The following XYLT1 variants were observed in gnomAD, a reference collection of about 807,000 sequenced individuals.
XYLT1 encodes the protein xylosyltransferase 1, also known as beta-D-xylosyltransferase 1.
A neutral mutation model predicts 91.3 loss-of-function variants in XYLT1; 36 were observed. The observed-to-expected ratio is 0.39, with a 90% confidence interval of 0.30 to 0.52. XYLT1 has a LOEUF of 0.52. Among genes scored for constraint, XYLT1 ranks in the 20% least tolerant of loss-of-function variants. XYLT1 has a pLI of 0.68. For synonymous variants in XYLT1, 588 were observed against 532.0 expected, an observed-to-expected ratio of 1.11 and a Z score of -1.45; for missense variants, 1,242 against 1,284.5, an observed-to-expected ratio of 0.97 and a Z score of 0.51.
chr16:17,345,697 T>C (rs1316247931), intron 2 of XYLT1, among the ~76,000 whole-genome samples: 1 of 152,220 alleles, frequency 6.6e-6, no homozygotes, highest in Non-Finnish European at 1.5e-5. Flanking sequence ...ACTATGAAAG[T>C]AATACTAAGT....
chr16:17,111,235 C>G (rs1361504556), intron 11 of XYLT1, among the ~76,000 whole-genome samples: 1 of 152,178 alleles, frequency 6.6e-6, no homozygotes, highest in East Asian at 1.9e-4. Context: ...GTGACTACTA[C>G]TACTACCTCC....
chr16:17,371,953 G>C (rs2141875270), intron 1 of XYLT1, among the ~76,000 whole-genome samples: 1 of 152,310 alleles, frequency 6.6e-6, no homozygotes, highest in South Asian at 2.1e-4. Flanking sequence ...AAAAAAAGTT[G>C]CTATGGGATC....
At chr16:17,261,443 C>A (rs1314944838) in intron 2 of XYLT1, among the ~76,000 whole-genome samples, 1 of 152,100 alleles carries the variant, frequency 6.6e-6, no homozygotes, top group Admixed American at 6.6e-5. Context: ...CAGGGTCACC[C>A]AGCTAGTTGG....
At chr16:17,321,953 AAAG>A (rs1209389357) in intron 2 of XYLT1, among the ~76,000 whole-genome samples, 1 of 152,188 alleles carries the variant, frequency 6.6e-6, no homozygotes, top group African/African-American at 2.4e-5. Flanking sequence ...AATGGGAAGG[AAAG>A]AAGAAGTAGT....
chr16:17,398,559 C>T (rs2035919954), intron 1 of XYLT1, among the ~76,000 whole-genome samples: 1 of 152,134 alleles, frequency 6.6e-6, no homozygotes, highest in African/African-American at 2.4e-5. Context: ...GCTGCCATAA[C>T]AAAGCACCAC....
At chr16:17,220,512 C>G (rs145732358) in intron 3 of XYLT1, among the ~76,000 whole-genome samples, 1 of 152,082 alleles carries the variant, frequency 6.6e-6, no homozygotes, top group East Asian at 1.9e-4. Flanking sequence ...CCACTCTGTC[C>G]CCCAGGCTGG....
chr16:17,138,284 C>CCTTGGATTTCTGCAGAGGTTT (rs2030834324), intron 8 of XYLT1, 71 bp downstream of exon 8: 5 of 1,563,518 alleles, frequency 3.2e-6, no homozygotes, highest in Non-Finnish European at 3.5e-6. Flanking sequence ...GCAGGTCTGG[C>CCTTGGATTTCTGCAGAGGTTT]CTTGGATTTC....
intron 3 of XYLT1, chr16:17,227,895 T>G (rs190127853): frequency 6.6e-6 from 1 of 151,882 alleles, no homozygotes; most frequent in South Asian, 2.1e-4. Context: ...TTTAAGGGAG[T>G]AGAAATAACA....
intron 1 of XYLT1, among the ~76,000 whole-genome samples, chr16:17,438,824 A>G (rs978445238): frequency 2.0e-5 from 3 of 152,062 alleles, no homozygotes; most frequent in African/African-American, 7.2e-5. Context: ...GTAAGGGGAA[A>G]GTCCGCCCCC....
intron 2 of XYLT1, among the ~76,000 whole-genome samples, chr16:17,287,627 C>T (rs2034161577): frequency 6.6e-6 from 1 of 152,234 alleles, no homozygotes; most frequent in Non-Finnish European, 1.5e-5. Context: ...CTGGGGAGCC[C>T]TCCCAGGGCC....
chr16:17,213,602 T>C (rs1214176765), intron 3 of XYLT1, among the ~76,000 whole-genome samples: 5 of 152,106 alleles, frequency 3.3e-5, no homozygotes, highest in African/African-American at 4.8e-5. Flanking sequence ...TTCTATTGTA[T>C]TGGAACAACC....
At chr16:17,206,420 C>T (rs547499126) in intron 3 of XYLT1, among the ~76,000 whole-genome samples, 3 of 151,926 alleles carry the variant, frequency 2.0e-5, no homozygotes, top group South Asian at 2.1e-4. Context: ...TGCTGTGTGG[C>T]GACAAGCATA....
chr16:17,137,564 C>CT (rs1481129827), intron 8 of XYLT1: 1 of 151,818 alleles, frequency 6.6e-6, no homozygotes, highest in Non-Finnish European at 1.5e-5. Context: ...TTGGAGGGAG[C>CT]AGAGCAGGAA....
chr16:17,193,731 G>C (rs928270772), intron 5 of XYLT1: 4 of 152,268 alleles, frequency 2.6e-5, no homozygotes, highest in Non-Finnish European at 4.4e-5. Context: ...AGTGGTTTTG[G>C]AAGCTACAGA....
intron 2 of XYLT1, chr16:17,338,136 T>G (rs1464018061): frequency 2.2e-6 from 1 of 455,128 alleles, no homozygotes; most frequent in East Asian, 7.0e-5. Flanking sequence ...CTGTCCCAGT[T>G]CAGGCCTTTA....
At chr16:17,452,084 C>T (rs2036672049) in intron 1 of XYLT1, among the ~76,000 whole-genome samples, 1 of 152,094 alleles carries the variant, frequency 6.6e-6, no homozygotes, top group African/African-American at 2.4e-5. Flanking sequence ...TACTCAATTG[C>T]TATAAGAGAA....
chr16:17,276,820 G>A (rs915880647), intron 2 of XYLT1, among the ~76,000 whole-genome samples: 20 of 152,238 alleles, frequency 1.3e-4, no homozygotes, highest in African/African-American at 4.6e-4. Context: ...CCTAGGGAAA[G>A]TCGTTTACCC....
intron 1 of XYLT1, among the ~76,000 whole-genome samples, chr16:17,437,044 T>C (rs950032112): frequency 6.6e-6 from 1 of 152,098 alleles, no homozygotes; most frequent in East Asian, 1.9e-4. Flanking sequence ...GCTCATTGAA[T>C]CCTCATGAGA....
intron 5 of XYLT1, among the ~76,000 whole-genome samples, chr16:17,186,360 C>T (rs1044278275): frequency 1.4e-4 from 22 of 152,152 alleles, no homozygotes; most frequent in Non-Finnish European, 7.3e-5. Context: ...GCCTTGGCCT[C>T]CCAAAGGGCT....
Sources: allele counts gnomAD v4.1 joint callset (sites outside exome capture counted in the v4.1 genomes callset), GRCh38; gene constraint gnomAD v4.1.1; transcripts MANE v1.5; gene names NCBI Gene and HGNC (gene_info 2026-07-23, HGNC 2026-07-21).